The following CTNNA2 variants were observed in gnomAD, a reference collection of about 807,000 sequenced individuals.
CTNNA2 encodes catenin alpha-2.
Under a neutral mutation model 101.0 loss-of-function variants are expected in CTNNA2, and 42 were observed. The ratio of observed to expected loss-of-function variants is 0.42; its 90% CI spans 0.32 to 0.54. The LOEUF (loss-of-function observed/expected upper bound fraction) is 0.54, where lower values mean the gene tolerates loss of function less well. CTNNA2 is among the 20% of genes least tolerant of loss of function. The pLI is 0.14. For missense variants in CTNNA2, 871 were observed against 1,223.1 expected (o/e 0.71, Z 4.29); for synonymous variants, 450 against 456.4 (o/e 0.99, Z 0.18).
chr2:79,509,231 G>A (rs1256603715), upstream of CTNNA2, among the ~76,000 whole-genome samples: 1 of 151,966 alleles, frequency 6.6e-6, no homozygotes, highest in Non-Finnish European at 1.5e-5. Context: ...TGGACCATAT[G>A]AGGAGAAATC....
chr2:79,266,155 G>C (rs2104292908), intron 2 of CTNNA2, among the ~76,000 whole-genome samples: 1 of 152,244 alleles, frequency 6.6e-6, no homozygotes, highest in South Asian at 2.1e-4. Context: ...GGGGCATTCT[G>C]GCCTGACTTC....
intron 4 of CTNNA2, among the ~76,000 whole-genome samples, chr2:79,490,495 A>G (rs1671197960): frequency 6.6e-6 from 1 of 152,150 alleles, no homozygotes; most frequent in African/African-American, 2.4e-5. Context: ...TATGCTATAT[A>G]TGTAGTATTT....
rs1419055316 is a variant in CTNNA2 at position 79,621,110 on chromosome 2, G to GTC, written c.-5-30439_-5-30438dup. 5.3e-5 allele frequency among the ~76,000 whole-genome samples: 8 copies of GTC among 152,264 alleles called. No homozygotes were observed. In the East Asian group the frequency reaches 1.5e-3, roughly 29 times the overall value. ...TGTGGGTAAAAGTGGCTACTGTGGT[G>GTC]TCTCCCTGTGGGATGATGAATGCAT... is the stretch of plus-strand genomic sequence containing the variant. On this transcript the variant is annotated intron_variant, in intron 1 of 18. Transcript: ENST00000402739.
At chr2:80,646,687 G>A (rs1020641875) in intron 18 of CTNNA2, among the ~76,000 whole-genome samples, 4 of 151,964 alleles carry the variant, frequency 2.6e-5, no homozygotes, top group South Asian at 4.1e-4. Flanking sequence ...CTTAAAGACA[G>A]AAAAAAGGTA....
chr2:79,846,272 C>A (rs547603418), intron 3 of CTNNA2, among the ~76,000 whole-genome samples: 2 of 152,276 alleles, frequency 1.3e-5, no homozygotes, highest in African/African-American at 2.4e-5. Context: ...TAGCCAAAGA[C>A]TCCTTTAGAA....
intron 7 of CTNNA2, among the ~76,000 whole-genome samples, chr2:79,931,063 T>C (rs1687407582): frequency 6.6e-6 from 1 of 152,200 alleles, no homozygotes; most frequent in South Asian, 2.1e-4. Flanking sequence ...TTTTAAATTA[T>C]GAAATTTCAT....
chr2:80,460,644 C>T (rs1684346386), intron 9 of CTNNA2, among the ~76,000 whole-genome samples: 1 of 152,082 alleles, frequency 6.6e-6, no homozygotes, highest in South Asian at 2.1e-4. Flanking sequence ...AATACCCTAC[C>T]ACATCTTGTA....
chr2:80,215,075 A>T (rs938515631), intron 7 of CTNNA2, among the ~76,000 whole-genome samples: 2 of 152,120 alleles, frequency 1.3e-5, no homozygotes, highest in African/African-American at 4.8e-5. Context: ...TGCATTCATC[A>T]CATAGTTCTC....
At chr2:80,031,718 G>A (rs780069488) in intron 7 of CTNNA2, among the ~76,000 whole-genome samples, 3 of 152,146 alleles carry the variant, frequency 2.0e-5, no homozygotes, top group Non-Finnish European at 4.4e-5. Flanking sequence ...CTATTTTACA[G>A]TGAAAACATA....
At chr2:80,156,155 G>T (rs139611298) in intron 7 of CTNNA2, among the ~76,000 whole-genome samples, 183 of 152,214 alleles carry the variant, frequency 1.2e-3, no homozygotes, top group African/African-American at 4.3e-3. Flanking sequence ...ATCCTCTGGG[G>T]AGCCATTCCT....
At chr2:80,084,997 G>A (rs116189025) in intron 7 of CTNNA2, among the ~76,000 whole-genome samples, 244 of 152,094 alleles carry the variant, frequency 1.6e-3, no homozygotes, top group African/African-American at 5.7e-3. Context: ...TGTGAAAAAC[G>A]TTTGAGGGGT....
At chr2:80,081,249 G>T (rs964907490) in intron 7 of CTNNA2, among the ~76,000 whole-genome samples, 1 of 152,150 alleles carries the variant, frequency 6.6e-6, no homozygotes. Context: ...TTCGCTTAGA[G>T]ATGCTCCCCT....
chr2:80,549,060 C>G (rs17261711), intron 11 of CTNNA2, among the ~76,000 whole-genome samples: 18,073 of 152,028 alleles, frequency 0.12, 1,420 homozygotes, highest in Middle Eastern at 0.24. Context: ...GTTTGGGGAG[C>G]AATGATGCTA....
At chr2:79,553,333 GTCT>G (rs1200082782) in intron 1 of CTNNA2, among the ~76,000 whole-genome samples, 1 of 152,058 alleles carries the variant, frequency 6.6e-6, no homozygotes, top group Non-Finnish European at 1.5e-5. Context: ...ACATCTTCCT[GTCT>G]TCTTCTGAGC....
chr2:80,145,068 A>G (rs191179873), intron 7 of CTNNA2, among the ~76,000 whole-genome samples: 1 of 152,330 alleles, frequency 6.6e-6, no homozygotes, highest in Admixed American at 6.5e-5. Flanking sequence ...TCACGGTTCT[A>G]GAAGCTATGG....
At position 79,440,774 on chromosome 2, in the gene CTNNA2, T is replaced by C. The variant is rs190467563; in HGVS notation, c.-134-64280T>C. 2.0e-5 allele frequency among the ~76,000 whole-genome samples: 3 copies of C among 152,236 alleles called. No homozygotes were observed. In the East Asian group the frequency reaches 5.8e-4, roughly 30 times the overall value. The stretch of plus-strand genomic sequence containing the variant: ...TATTGCCAGAAAAGGGTTTTAGCCT[T>C]GGGAAGACTCAGCTCCCTCTGCTGA... On this transcript the variant is annotated intron_variant, in intron 4 of 21. Transcript: ENST00000466387.
intron 1 of CTNNA2, among the ~76,000 whole-genome samples, chr2:79,520,570 A>G (rs1672050150): frequency 6.6e-6 from 1 of 152,244 alleles, no homozygotes; most frequent in Non-Finnish European, 1.5e-5. Flanking sequence ...TGTTAGAACT[A>G]CATGTCTCTC....
At chr2:79,935,801 A>AC (rs1290825991) in intron 7 of CTNNA2, among the ~76,000 whole-genome samples, 4 of 152,180 alleles carry the variant, frequency 2.6e-5, no homozygotes, top group Non-Finnish European at 5.9e-5. Flanking sequence ...TAAATAATAC[A>AC]CCTTGTGTTA....
chr2:80,462,798 C>T (rs955032701), intron 9 of CTNNA2, among the ~76,000 whole-genome samples: 5 of 152,150 alleles, frequency 3.3e-5, no homozygotes, highest in African/African-American at 1.2e-4. Context: ...GTGTTATCCT[C>T]AACGGTGTCT....
Sources: allele counts gnomAD v4.1 joint callset (sites outside exome capture counted in the v4.1 genomes callset), GRCh38; gene constraint gnomAD v4.1.1; transcripts MANE v1.5; gene names NCBI Gene and HGNC (gene_info 2026-07-23, HGNC 2026-07-21).